Variants in PSD3 observed in about 807,000 individuals in gnomAD.
PSD3 encodes the protein PH and SEC7 domain-containing protein 3.
In PSD3, 49 loss-of-function variants were observed where a neutral mutation model predicts 105.5. The ratio of observed to expected loss-of-function variants is 0.46; its 90% confidence interval spans 0.37 to 0.59. PSD3 has a LOEUF of 0.59. PSD3 is among the 20% of genes least tolerant of loss of function. The pLI is 0.00. For missense variants in PSD3, 1,561 were observed against 1,263.8 expected (o/e 1.24, Z -3.57); for synonymous variants, 557 against 457.8 (o/e 1.22, Z -2.77).
At chr8:18,710,757 C>A (rs959219849) in intron 9 of PSD3, among the ~76,000 whole-genome samples, 6 of 152,184 alleles carry the variant, frequency 3.9e-5, no homozygotes, top group East Asian at 1.9e-4. Flanking sequence ...TTTAGGCTCA[C>A]TGCAACGTCC....
intron 1 of PSD3, among the ~76,000 whole-genome samples, chr8:19,060,865 G>A (rs1015086347): frequency 1.3e-5 from 2 of 152,190 alleles, no homozygotes; most frequent in African/African-American, 4.8e-5. Flanking sequence ...CTTTAAAACT[G>A]GCAAGTGGCT....
At chr8:18,952,225 G>A (rs929662345) in intron 1 of PSD3, among the ~76,000 whole-genome samples, 6 of 152,000 alleles carry the variant, frequency 3.9e-5, no homozygotes, top group East Asian at 1.9e-4. Context: ...CCTACTCCAC[G>A]GTCAATGATC....
At chr8:18,728,566 G>A (rs796584386) in intron 9 of PSD3, among the ~76,000 whole-genome samples, 4 of 152,118 alleles carry the variant, frequency 2.6e-5, no homozygotes, top group Non-Finnish European at 5.9e-5. Context: ...AAAAGTGTTT[G>A]GGAATTGAAG....
At chr8:18,884,789 C>T (rs186400240) in intron 2 of PSD3, among the ~76,000 whole-genome samples, 2 of 152,186 alleles carry the variant, frequency 1.3e-5, no homozygotes, top group Non-Finnish European at 2.9e-5. Flanking sequence ...ATTCAGAACC[C>T]AATTTTTCTT....
At chr8:18,600,693 A>G (rs1224303541) in intron 11 of PSD3, among the ~76,000 whole-genome samples, 3 of 152,228 alleles carry the variant, frequency 2.0e-5, no homozygotes, top group East Asian at 3.8e-4. Flanking sequence ...ACACAAGGCA[A>G]TAACTTGCTA....
At chr8:18,996,971 T>A (rs1191697228) in intron 1 of PSD3, among the ~76,000 whole-genome samples, 2 of 151,912 alleles carry the variant, frequency 1.3e-5, no homozygotes, top group African/African-American at 4.8e-5. Flanking sequence ...TTTTTTCACA[T>A]GGCTGGCAAG....
chr8:18,847,630 C>T (rs1271176717), intron 4 of PSD3, among the ~76,000 whole-genome samples: 1 of 152,108 alleles, frequency 6.6e-6, no homozygotes, highest in Non-Finnish European at 1.5e-5. Flanking sequence ...TGGAATACAC[C>T]ATGTGAATTA....
At chr8:18,785,941 C>T (rs187599947) in intron 8 of PSD3, among the ~76,000 whole-genome samples, 4 of 152,332 alleles carry the variant, frequency 2.6e-5, no homozygotes, top group Non-Finnish European at 5.9e-5. Flanking sequence ...AAAAATGGCA[C>T]TGATAAGACT....
At position 18,577,422 on chromosome 8, in the gene PSD3, T is replaced by C. The variant is rs556906128; in HGVS notation, c.2482-2137A>G. On this transcript the variant is annotated intron_variant, in intron 12 of 15. Transcript: ENST00000327040. ...TTCAAGTTTATTGACTCGGTTCCTC[T>C]GCCCTTACATCATTTTTTCTACTAG... Among the ~76,000 whole-genome samples, 11 of 152,162 alleles carry C rather than the reference T, an allele frequency of 7.2e-5. No homozygotes were observed. In the South Asian group the frequency reaches 2.1e-3, roughly 29 times the overall value.
chr8:18,976,323 A>C (rs1586563005), intron 1 of PSD3, among the ~76,000 whole-genome samples: 1 of 152,256 alleles, frequency 6.6e-6, no homozygotes, highest in African/African-American at 2.4e-5. Context: ...TATTAAATAA[A>C]TTACAAATTA....
chr8:18,664,359 G>A (rs756801332), intron 9 of PSD3, among the ~76,000 whole-genome samples: 2 of 152,202 alleles, frequency 1.3e-5, no homozygotes, highest in Admixed American at 6.5e-5. Flanking sequence ...TATGGAGAAA[G>A]TTTAAATGGT....
intron 11 of PSD3, among the ~76,000 whole-genome samples, chr8:18,608,469 C>T (rs1404421960): frequency 1.3e-5 from 2 of 152,088 alleles, no homozygotes; most frequent in African/African-American, 4.8e-5. Flanking sequence ...CACATTTCTG[C>T]AATAGAAAAA....
chr8:18,551,535 T>C (rs1424259905), intron 15 of PSD3, among the ~76,000 whole-genome samples: 1 of 152,232 alleles, frequency 6.6e-6, no homozygotes, highest in Non-Finnish European at 1.5e-5. Flanking sequence ...TAAGAAAATA[T>C]TCTGTCCCAA....
At chr8:18,887,884 T>C (rs887632487) in intron 2 of PSD3, among the ~76,000 whole-genome samples, 1 of 152,214 alleles carries the variant, frequency 6.6e-6, no homozygotes, top group African/African-American at 2.4e-5. Context: ...TAAGCAGTTT[T>C]ATTGTATTAA....
At chr8:18,811,864 C>A (rs894423211) in intron 4 of PSD3, among the ~76,000 whole-genome samples, 2 of 152,078 alleles carry the variant, frequency 1.3e-5, no homozygotes, top group Non-Finnish European at 2.9e-5. Flanking sequence ...TTTTATGACA[C>A]TCCAAGGCCA....
chr8:19,069,411 A>T (rs1367782812), intron 1 of PSD3, among the ~76,000 whole-genome samples: 3 of 152,198 alleles, frequency 2.0e-5, no homozygotes, highest in Admixed American at 6.5e-5. Context: ...AGAGGGGGCC[A>T]GCCAAGTTGA....
intron 11 of PSD3, among the ~76,000 whole-genome samples, chr8:18,616,603 G>A (rs1169186571): frequency 1.3e-5 from 2 of 149,502 alleles, no homozygotes; most frequent in South Asian, 4.3e-4. Context: ...TGCTAGCCAG[G>A]CCTCATCTTC....
chr8:18,848,566 C>T lies in PSD3; in HGVS notation c.1634+19108G>A, dbSNP rs141448747. On this transcript the variant is annotated intron_variant, in intron 4 of 15. Coordinates refer to ENST00000327040, the MANE Select transcript of PSD3 (RefSeq NM_015310.4). ...GTAGCAGTGGTGATTAAGTTTTAAA[C>T]GCTTAATAAGACTGCGGCTCAAATC... is the stretch of plus-strand genomic sequence containing the variant. Among the ~76,000 whole-genome samples the T allele has an allele frequency of 9.2e-5, 14 of 152,342 alleles. No homozygotes were observed. The East Asian group carries it at 1.2e-3, about 13-fold the overall frequency.
chr8:18,764,572 G>C (rs1328872676), intron 9 of PSD3, among the ~76,000 whole-genome samples: 1 of 152,058 alleles, frequency 6.6e-6, no homozygotes, highest in Non-Finnish European at 1.5e-5. Flanking sequence ...AAATCTGGCA[G>C]AACTCTATTC....
Sources: allele counts gnomAD v4.1 joint callset (sites outside exome capture counted in the v4.1 genomes callset), GRCh38; gene constraint gnomAD v4.1.1; transcripts MANE v1.5; gene names NCBI Gene and HGNC (gene_info 2026-07-23, HGNC 2026-07-21).